OSMR: variants seen among roughly 807,000 people sequenced by gnomAD.
OSMR encodes oncostatin M receptor.
A neutral mutation model predicts 99.9 loss-of-function variants in OSMR; 81 were observed. The observed-to-expected ratio is 0.81, with a 90% CI of 0.68 to 0.97. The LOEUF (loss-of-function observed/expected upper bound fraction) is 0.97. Among genes scored for constraint, OSMR ranks in the 50% least tolerant of loss-of-function variants. OSMR has a pLI of 0.00. For synonymous variants in OSMR, 406 were observed against 410.4 expected, an observed-to-expected ratio of 0.99 and a Z score of 0.13; for missense variants, 1,099 against 1,153.4, an observed-to-expected ratio of 0.95 and a Z score of 0.68.
chr5:38,881,669 C>A lies in OSMR; in HGVS notation c.323C>A (p.Ala108Asp), dbSNP rs1252453955. ...GAATCTGAGCTCCCTTTGGAATGTG[C>A]CACACACTTTGTAAGAATAAAGAGT... ...SWESELPLEC[A>D]THFVRIKSLV... Residue 108 changes from alanine to aspartate, a missense_variant, in exon 4 of 18, where the codon GCC (alanine) becomes GAC (aspartate). By Grantham distance (126) the Ala-to-Asp change is moderately radical (BLOSUM62 -2). Transcript: ENST00000274276. The A allele has an allele frequency of 6.2e-6, 10 of 1,614,066 alleles. No homozygotes were observed. The highest frequency in any genetic ancestry group is 2.2e-5 in the East Asian group (1 of 44,900).
chr5:38,912,219 T>A (rs2112592231), intron 9 of OSMR, among the ~76,000 whole-genome samples: 1 of 152,252 alleles, frequency 6.6e-6, no homozygotes, highest in African/African-American at 2.4e-5. Context: ...AAGAAAAAAG[T>A]CAGCAAAGTT....
chr5:38,911,282 C>T (rs746658700), intron 9 of OSMR, among the ~76,000 whole-genome samples: 3 of 152,150 alleles, frequency 2.0e-5, no homozygotes, highest in Non-Finnish European at 4.4e-5. Context: ...CAAAAACTCT[C>T]AGAGATTACT....
At position 38,917,363 on chromosome 5, in the gene OSMR, C is replaced by T. The variant is rs563824584; in HGVS notation, c.1286-183C>T. On this transcript the variant is annotated intron_variant, in intron 9 of 17. Coordinates refer to ENST00000274276, the MANE Select transcript of OSMR (RefSeq NM_003999.3). ...TTATAAAGCACTGTACTGTGTGCAC[C>T]TAGTGAGGAGTGAGCAGTGTGGCTG... The T allele has an allele frequency of 8.4e-6, 8 of 953,636 alleles. No individual in the cohort carries two copies. The East Asian group carries it at 8.1e-4, about 96-fold the overall frequency. The allele number at this position is 953,636 out of a possible 1,614,324, so 59.1% of individuals were successfully genotyped here.
At chr5:38,849,081 T>A (rs1292305767) in intron 1 of OSMR, among the ~76,000 whole-genome samples, 2 of 152,194 alleles carry the variant, frequency 1.3e-5, no homozygotes, top group Non-Finnish European at 2.9e-5. Context: ...CCCGGCCAGC[T>A]ACATGTTATC....
At chr5:38,891,064 T>A (rs930362129) in intron 7 of OSMR, among the ~76,000 whole-genome samples, 1 of 152,228 alleles carries the variant, frequency 6.6e-6, no homozygotes, top group African/African-American at 2.4e-5. Context: ...TGGATTTTAA[T>A]TGGCCATCGC....
At chr5:38,939,203 T>C, downstream of OSMR, 1 of 233,020 alleles carries the variant, frequency 4.3e-6, no homozygotes, top group East Asian at 6.1e-5. Flanking sequence ...TAGGAAAATG[T>C]AAATAAGCAT....
chr5:38,876,400 T>TA (rs1742840373), intron 3 of OSMR, 27 bp downstream of exon 3: 2 of 1,589,324 alleles, frequency 1.3e-6, no homozygotes, highest in Non-Finnish European at 8.6e-7. Context: ...GCTCAATATT[T>TA]AAAAAATCAT....
intron 7 of OSMR, among the ~76,000 whole-genome samples, chr5:38,887,343 G>A (rs1743850730): frequency 6.6e-6 from 1 of 152,130 alleles, no homozygotes. Context: ...AAGTTTAAAG[G>A]TTTTTAAGAA....
intron 1 of OSMR, chr5:38,941,683 A>C (rs1747588458): frequency 4.3e-6 from 1 of 232,426 alleles, no homozygotes; most frequent in East Asian, 6.1e-5. Flanking sequence ...ATGCAAGTCT[A>C]GTAACATAAA....
chr5:38,852,526 C>A (rs1464017565), intron 1 of OSMR, among the ~76,000 whole-genome samples: 1 of 152,084 alleles, frequency 6.6e-6, no homozygotes, highest in Non-Finnish European at 1.5e-5. Context: ...TACACACACA[C>A]ACAATTGTCT....
At chr5:38,904,696 A>G (rs1242477260) in intron 9 of OSMR, among the ~76,000 whole-genome samples, 193 bp downstream of exon 9, 1 of 152,240 alleles carries the variant, frequency 6.6e-6, no homozygotes, top group Non-Finnish European at 1.5e-5. Flanking sequence ...AGTTGACAGT[A>G]GTATTTTATT....
At chr5:38,877,149 A>C (rs1267420723) in intron 3 of OSMR, among the ~76,000 whole-genome samples, 1 of 152,132 alleles carries the variant, frequency 6.6e-6, no homozygotes, top group East Asian at 1.9e-4. Flanking sequence ...AGGACAGTGG[A>C]ATGTTTTCTC....
In OSMR at chr5:38,933,646, A is replaced by T. The variant is rs1474067840; in HGVS notation, c.*202A>T. On this transcript the variant is annotated 3_prime_UTR_variant, in exon 18 of 18. Transcript: ENST00000274276. ...CCATTGGAGCAAGCTTGCCCTAGAG[A>T]CGGCAGGATCATGGGAGCATGCTTA... The T allele has an allele frequency of 3.3e-6, 2 of 608,720 alleles. No individual in the cohort carries two copies. Among genetic ancestry groups the T allele is most frequent in the African/African-American group, 3.7e-5 (2 of 54,242 alleles). The allele number at this position is 608,720 out of a possible 1,614,324, so 37.7% of individuals were successfully genotyped here. A position where few individuals can be genotyped will look rare whatever the true frequency, so the allele number is the denominator to read the frequency against.
intron 7 of OSMR, chr5:38,886,480 C>A: frequency 2.1e-6 from 1 of 470,876 alleles, no homozygotes; most frequent in Non-Finnish European, 3.4e-6. Context: ...CCCACCTTCG[C>A]TCCTTCCGCC....
At chr5:38,849,609 T>C (rs1740196950) in intron 1 of OSMR, among the ~76,000 whole-genome samples, 2 of 152,240 alleles carry the variant, frequency 1.3e-5, no homozygotes, top group Non-Finnish European at 2.9e-5. Context: ...ACAAATAGCC[T>C]GTCAAGTTTA....
chr5:38,870,350 G>A (rs1352196417), intron 2 of OSMR, among the ~76,000 whole-genome samples: 1 of 48,770 alleles, frequency 2.1e-5, no homozygotes, highest in Admixed American at 1.8e-4. Flanking sequence ...TTTTTTTTTT[G>A]AGACAGAGTC....
intron 11 of OSMR, 155 bp downstream of exon 11, chr5:38,919,217 G>A (rs142334998): frequency 5.2e-6 from 8 of 1,532,454 alleles, no homozygotes; most frequent in East Asian, 2.5e-5. Context: ...GTGTGTCAAC[G>A]TGTTTCAGTG....
At chr5:38,903,805 G>T in intron 7 of OSMR, 77 bp from the exon 8 acceptor site, 1 of 1,545,110 alleles carries the variant, frequency 6.5e-7, no homozygotes, top group South Asian at 1.2e-5. Context: ...AATAAATGAA[G>T]AAATAAACTG....
In OSMR at chr5:38,917,640, C is replaced by T. The variant is rs781545951; in HGVS notation, c.1362+18C>T. The T allele has an allele frequency of 1.9e-6, 3 of 1,593,906 alleles. No homozygotes were observed. In the East Asian group the frequency reaches 6.7e-5, roughly 36 times the overall value. ...TCTGGAAGGTAAGATGTGCAGATTC[C>T]AAAAGTCTGATTGTTTCCAAAAGTC... On this transcript the variant is annotated intron_variant, in intron 10 of 17. Transcript: ENST00000274276.
Sources: gnomAD v4.1 joint callset for allele counts (sites outside exome capture counted in the v4.1 genomes callset) on GRCh38, gnomAD v4.1.1 for gene constraint, MANE v1.5 for transcripts, NCBI Gene and HGNC (gene_info 2026-07-23, HGNC 2026-07-21) for gene names.